Variants in GABBR2 observed in about 807,000 individuals in gnomAD.
GABBR2 encodes gamma-aminobutyric acid type B receptor subunit 2.
Under a neutral mutation model 105.6 loss-of-function variants are expected in GABBR2, and 23 were observed. The ratio of observed to expected loss-of-function variants is 0.22; its 90% CI spans 0.16 to 0.31. GABBR2 has a LOEUF of 0.31. Ranked by LOEUF, GABBR2 falls within the 10% of genes least tolerant of loss-of-function variation. The pLI, the probability that GABBR2 is intolerant of heterozygous loss-of-function variation, is 1.00. For missense variants in GABBR2, 734 were observed against 1,245.5 expected (o/e 0.59, Z 6.18); for synonymous variants, 478 against 499.7 (o/e 0.96, Z 0.58).
chr9:98,618,178 T>C (rs1419095978), intron 1 of GABBR2, among the ~76,000 whole-genome samples: 2 of 152,148 alleles, frequency 1.3e-5, no homozygotes, highest in Non-Finnish European at 2.9e-5. Context: ...AGTTCTCTGG[T>C]CTCAGACTTC....
chr9:98,405,754 T>C (rs1178443492), intron 8 of GABBR2, among the ~76,000 whole-genome samples: 1 of 152,218 alleles, frequency 6.6e-6, no homozygotes, highest in Non-Finnish European at 1.5e-5. Flanking sequence ...CTCTATTGTT[T>C]AGGGAATAAC....
chr9:98,471,010 C>T (rs949759371), intron 6 of GABBR2, among the ~76,000 whole-genome samples: 4 of 152,100 alleles, frequency 2.6e-5, no homozygotes, highest in Non-Finnish European at 4.4e-5. Flanking sequence ...ATCTGAGTAG[C>T]TCCAGTGGGA....
At chr9:98,487,460 G>C (rs956220833) in intron 4 of GABBR2, among the ~76,000 whole-genome samples, 3 of 152,142 alleles carry the variant, frequency 2.0e-5, no homozygotes, top group Non-Finnish European at 4.4e-5. Context: ...CTTTGTAGTT[G>C]TCTTATGCCA....
chr9:98,322,345 C>A (rs1051588059), intron 13 of GABBR2, among the ~76,000 whole-genome samples: 21 of 152,292 alleles, frequency 1.4e-4, no homozygotes, highest in African/African-American at 4.8e-4. Context: ...CTGGCTCCAA[C>A]ATCCAGCCGC....
intron 11 of GABBR2, among the ~76,000 whole-genome samples, chr9:98,377,007 G>A (rs115854842): frequency 0.031 from 4,755 of 152,258 alleles, 169 homozygotes; most frequent in African/African-American, 0.082. Flanking sequence ...TCAAAGACCC[G>A]ATCACAGGCC....
chr9:98,514,986 A>G (rs1006135460), intron 3 of GABBR2, among the ~76,000 whole-genome samples: 4 of 152,100 alleles, frequency 2.6e-5, no homozygotes, highest in Non-Finnish European at 5.9e-5. Context: ...GCCTCAGGGA[A>G]AGGGCCAGTT....
intron 2 of GABBR2, 100 bp downstream of exon 2, chr9:98,577,835 A>G (rs1564120110): frequency 8.2e-7 from 1 of 1,217,280 alleles, no homozygotes; most frequent in Non-Finnish European, 1.1e-6. Flanking sequence ...GGCCTGACCC[A>G]GGCAACATAG....
intron 2 of GABBR2, 97 bp from the exon 3 acceptor site, chr9:98,542,140 T>TA (rs1828316242): frequency 1.0e-6 from 1 of 988,632 alleles, no homozygotes; most frequent in Non-Finnish European, 1.5e-6. Flanking sequence ...AGCTTCAACT[T>TA]AGAGCATAAA....
chr9:98,356,025 A>T (rs761256760), intron 13 of GABBR2, among the ~76,000 whole-genome samples: 5 of 152,232 alleles, frequency 3.3e-5, no homozygotes, highest in Non-Finnish European at 7.3e-5. Flanking sequence ...GTCTAGACAT[A>T]GACCTTACAC....
At chr9:98,446,589 C>A (rs1321696488) in intron 7 of GABBR2, among the ~76,000 whole-genome samples, 1 of 152,172 alleles carries the variant, frequency 6.6e-6, no homozygotes, top group Non-Finnish European at 1.5e-5. Context: ...AGTCTCAAAT[C>A]AGCTCCTATG....
chr9:98,497,974 C>A (rs1332054078), intron 3 of GABBR2, among the ~76,000 whole-genome samples: 2 of 152,208 alleles, frequency 1.3e-5, no homozygotes, highest in Admixed American at 1.3e-4. Flanking sequence ...AAGGCAGAAG[C>A]AGCCCAAACG....
chr9:98,602,238 C>A lies in GABBR2; in HGVS notation c.322-24166G>T, dbSNP rs112318520. On this transcript the variant is annotated intron_variant, in intron 1 of 18. Transcript: ENST00000259455. ...CTTGTAATCCCAGCACTTTGGGAGG[C>A]CGAGGCAGATGGATCATGAGGTCAG... 1.6e-3 allele frequency among the ~76,000 whole-genome samples: 242 copies of A among 151,410 alleles called. 2 individuals carry two copies. Among genetic ancestry groups the A allele is most frequent in the African/African-American group, 5.1e-3 (211 of 41,288 alleles).
At chr9:98,338,589 C>T (rs879262021) in intron 13 of GABBR2, among the ~76,000 whole-genome samples, 2 of 152,176 alleles carry the variant, frequency 1.3e-5, no homozygotes, top group African/African-American at 4.8e-5. Context: ...AACCTTTATA[C>T]TCACTAAGAT....
intron 2 of GABBR2, among the ~76,000 whole-genome samples, chr9:98,562,402 A>G (rs1286090315): frequency 2.6e-5 from 4 of 152,202 alleles, no homozygotes; most frequent in South Asian, 2.1e-4. Flanking sequence ...AAAAATCTCA[A>G]TATGGACCAT....
intron 2 of GABBR2, among the ~76,000 whole-genome samples, chr9:98,563,774 T>C (rs1828712342): frequency 6.6e-6 from 1 of 152,232 alleles, no homozygotes; most frequent in African/African-American, 2.4e-5. Context: ...CCCTTCCCAC[T>C]GTATAAGGCT....
At chr9:98,509,783 T>G (rs1255399786) in intron 3 of GABBR2, among the ~76,000 whole-genome samples, 4 of 152,102 alleles carry the variant, frequency 2.6e-5, no homozygotes, top group African/African-American at 9.7e-5. Context: ...AAAGACCAGA[T>G]CTATGTCTGA....
intron 2 of GABBR2, among the ~76,000 whole-genome samples, chr9:98,565,628 G>A (rs1828741469): frequency 6.6e-6 from 1 of 152,158 alleles, no homozygotes; most frequent in Non-Finnish European, 1.5e-5. Flanking sequence ...ATGTCACCTG[G>A]GTGACTATGT....
chr9:98,568,647 C>T (rs142463641), intron 2 of GABBR2, among the ~76,000 whole-genome samples: 33 of 152,280 alleles, frequency 2.2e-4, no homozygotes, highest in East Asian at 2.1e-3. Flanking sequence ...ACATGTTCCC[C>T]TCTCCATCCC....
chr9:98,707,986 G>A (rs553262006), intron 1 of GABBR2, among the ~76,000 whole-genome samples: 4 of 152,214 alleles, frequency 2.6e-5, no homozygotes, highest in African/African-American at 9.6e-5. Flanking sequence ...GCAGGCCCGC[G>A]GCCCCTCCGG....
Sources: gnomAD v4.1 joint callset for allele counts (sites outside exome capture counted in the v4.1 genomes callset) on GRCh38, gnomAD v4.1.1 for gene constraint, MANE v1.5 for transcripts, NCBI Gene and HGNC (gene_info 2026-07-23, HGNC 2026-07-21) for gene names.